The following CWF19L2 variants were observed in gnomAD, a reference collection of about 807,000 sequenced individuals.
CWF19L2 encodes CWF19 like cell cycle control factor 2.
CWF19L2 carries 98 observed loss-of-function variants against 111.7 expected under a neutral mutation model. The ratio of observed to expected loss-of-function variants is 0.88; its 90% CI spans 0.75 to 1.04. The LOEUF (loss-of-function observed/expected upper bound fraction) is 1.04, where lower values mean the gene tolerates loss of function less well. Ranked by LOEUF, CWF19L2 falls within the 50% of genes least tolerant of loss-of-function variation. CWF19L2 has a pLI of 0.00. For missense variants in CWF19L2, 1,101 were observed against 1,051.4 expected (o/e 1.05, Z -0.65); for synonymous variants, 351 against 342.9 (o/e 1.02, Z -0.26).
At chr11:107,403,463 C>T (rs923524313) in intron 10 of CWF19L2, 2 of 801,368 alleles carry the variant, frequency 2.5e-6, no homozygotes, top group African/African-American at 1.7e-5. Flanking sequence ...TGTGCTGTTG[C>T]TCTCTGAGCC....
intron 6 of CWF19L2, among the ~76,000 whole-genome samples, chr11:107,438,877 A>G (rs1019949013): frequency 6.6e-6 from 1 of 152,004 alleles, no homozygotes; most frequent in Non-Finnish European, 1.5e-5. Flanking sequence ...GTGAAACCAC[A>G]TCTCTATAAA....
rs1262399911 is a variant in CWF19L2 at position 107,384,224 on chromosome 11, A to G, written c.1872+5850T>C. Among the ~76,000 whole-genome samples, 4 of 152,240 alleles carry G rather than the reference A, an allele frequency of 2.6e-5. No homozygotes were observed. In the East Asian group the frequency reaches 7.7e-4, roughly 29 times the overall value. On this transcript the variant is annotated intron_variant, in intron 12 of 17. Coordinates refer to ENST00000282251, the MANE Select transcript of CWF19L2 (RefSeq NM_152434.3). ...GGAAACTACTAAGTAAGAGACATAC[A>G]GGTTGAATATCACTTATCCAAAATG...
chr11:107,329,841 A>G (rs941872648), intron 17 of CWF19L2, 77 bp downstream of exon 17: 23 of 1,169,986 alleles, frequency 2.0e-5, no homozygotes, highest in Non-Finnish European at 2.5e-5. Context: ...TACTGTGCCC[A>G]AAGTTTTTAT....
At chr11:107,386,785 G>C (rs1457824364) in intron 12 of CWF19L2, among the ~76,000 whole-genome samples, 1 of 152,172 alleles carries the variant, frequency 6.6e-6, no homozygotes, top group Non-Finnish European at 1.5e-5. Context: ...GCTAGGCGCA[G>C]TGGCTCATGC....
chr11:107,327,838 A>C (rs1330959212), intron 17 of CWF19L2, among the ~76,000 whole-genome samples: 1 of 152,136 alleles, frequency 6.6e-6, no homozygotes, highest in African/African-American at 2.4e-5. Flanking sequence ...ACAACAACAA[A>C]AAACAGACTA....
intron 10 of CWF19L2, among the ~76,000 whole-genome samples, chr11:107,406,866 G>A (rs1246813733): frequency 1.3e-5 from 2 of 150,682 alleles, no homozygotes; most frequent in East Asian, 3.9e-4. Context: ...TCTCTTCTGT[G>A]TTACTATTGG....
At position 107,372,496 on chromosome 11, in the gene CWF19L2, T is replaced by C. The variant is rs1860525942; in HGVS notation, c.1872+17578A>G. ...CAAAACAAAAGAGTGTGATTCAAGA[T>C]GAGTCTAAAGAGGTAGTGACCAGGC... On this transcript the variant is annotated intron_variant, in intron 12 of 17. Transcript: ENST00000282251. Among the ~76,000 whole-genome samples the C allele has an allele frequency of 1.5e-5, 2 of 136,504 alleles. 1 individual carries two copies. The highest frequency in any genetic ancestry group is 3.1e-5 in the Non-Finnish European group (2 of 64,030). The allele number at this position is 136,504 out of a possible 152,430, so 89.6% of individuals were successfully genotyped here.
At chr11:107,427,723 T>C (rs1375612053) in intron 8 of CWF19L2, among the ~76,000 whole-genome samples, 1 of 152,140 alleles carries the variant, frequency 6.6e-6, no homozygotes, top group Admixed American at 6.6e-5. Flanking sequence ...GACAATTACA[T>C]ATGCATACAG....
At position 107,341,037 on chromosome 11, in the gene CWF19L2, G is replaced by A. The variant is rs565368352; in HGVS notation, c.2203-4324C>T. 3.4e-4 allele frequency among the ~76,000 whole-genome samples: 51 copies of A among 152,234 alleles called. No homozygotes were observed. In the East Asian group the frequency reaches 7.9e-3, roughly 24 times the overall value. On this transcript the variant is annotated intron_variant, in intron 14 of 17. Transcript: ENST00000282251. ...GAGTGGTGAAAAAGTTGAGTCATCC[G>A]ACATACACCTTCCCAACCAAAGTTG...
chr11:107,443,311 T>C lies in CWF19L2; in HGVS notation c.340-262A>G, dbSNP rs1283983309. On this transcript the variant is annotated intron_variant, in intron 3 of 17. Transcript: ENST00000282251. The stretch of plus-strand genomic sequence containing the variant: ...GCCTGGCAAACATGGTGAAACACCA[T>C]CTCTACTAAAAATACAAAAAAGTTA... Among the ~76,000 whole-genome samples, 3 of 151,828 alleles carry C rather than the reference T, an allele frequency of 2.0e-5. No homozygotes were observed. The South Asian group carries it at 6.3e-4, about 32-fold the overall frequency.
intron 10 of CWF19L2, among the ~76,000 whole-genome samples, chr11:107,396,034 C>T (rs1271071346): frequency 6.6e-6 from 1 of 152,210 alleles, no homozygotes; most frequent in Admixed American, 6.5e-5. Context: ...TGCCAACTTT[C>T]TGTTCCTTAG....
chr11:107,442,871 A>G (rs1861650174), intron 4 of CWF19L2, 68 bp downstream of exon 4: 1 of 832,740 alleles, frequency 1.2e-6, no homozygotes, highest in African/African-American at 2.2e-5. Flanking sequence ...AGAGGGAAGG[A>G]GGGAGGGAGG....
intron 12 of CWF19L2, among the ~76,000 whole-genome samples, chr11:107,384,608 A>G (rs927958812): frequency 6.6e-6 from 1 of 152,208 alleles, no homozygotes; most frequent in Non-Finnish European, 1.5e-5. Flanking sequence ...TTGAAAAACT[A>G]CAACTTCCAA....
chr11:107,426,439 T>C (rs1242424251), intron 8 of CWF19L2, among the ~76,000 whole-genome samples: 1 of 151,946 alleles, frequency 6.6e-6, no homozygotes, highest in Non-Finnish European at 1.5e-5. Context: ...CATGTACTCT[T>C]TGACCTGACA....
At chr11:107,443,326 C>G (rs1219540874) in intron 3 of CWF19L2, among the ~76,000 whole-genome samples, 3 of 151,728 alleles carry the variant, frequency 2.0e-5, no homozygotes, top group Non-Finnish European at 4.4e-5. Flanking sequence ...ACTAAAAATA[C>G]AAAAAAGTTA....
intron 3 of CWF19L2, among the ~76,000 whole-genome samples, chr11:107,450,825 T>C (rs932165225): frequency 1.3e-5 from 2 of 152,172 alleles, no homozygotes; most frequent in African/African-American, 2.4e-5. Context: ...GAGCTGTCTA[T>C]GTACCTAATA....
chr11:107,393,605 T>A (rs1191753973), intron 10 of CWF19L2, among the ~76,000 whole-genome samples: 1 of 152,202 alleles, frequency 6.6e-6, no homozygotes, highest in African/African-American at 2.4e-5. Flanking sequence ...CCAGCACTAT[T>A]CACACAATTG....
At chr11:107,430,876 AC>A (rs1479665276) in intron 7 of CWF19L2, among the ~76,000 whole-genome samples, 1 of 150,504 alleles carries the variant, frequency 6.6e-6, no homozygotes, top group Non-Finnish European at 1.5e-5. Flanking sequence ...TATTTTTACC[AC>A]AAAAAAAAAA....
At chr11:107,396,088 G>A (rs1169166193) in intron 10 of CWF19L2, among the ~76,000 whole-genome samples, 3 of 152,112 alleles carry the variant, frequency 2.0e-5, no homozygotes, top group African/African-American at 2.4e-5. Context: ...TTTTGGGTAC[G>A]CAAGACAGAG....
Sources: allele counts gnomAD v4.1 joint callset (sites outside exome capture counted in the v4.1 genomes callset), GRCh38; gene constraint gnomAD v4.1.1; transcripts MANE v1.5; gene names NCBI Gene and HGNC (gene_info 2026-07-23, HGNC 2026-07-21).